DPH6: variants seen among roughly 807,000 people sequenced by gnomAD.
DPH6 encodes diphthamine biosynthesis 6.
DPH6 carries 33 observed loss-of-function variants against 38.2 expected under a neutral mutation model. That is an observed-to-expected ratio of 0.86 (90% confidence interval 0.65 to 1.15). DPH6 has a LOEUF of 1.15. Among genes scored for constraint, DPH6 ranks in the 50% most tolerant of loss-of-function variants. The probability of loss-of-function intolerance (pLI) is 0.00; values close to 1 mark genes in which losing one functional copy is unlikely to be tolerated. For missense variants in DPH6, 325 were observed against 320.0 expected, an observed-to-expected ratio of 1.02 and a Z score of -0.12; for synonymous variants, 108 against 103.0, an observed-to-expected ratio of 1.05 and a Z score of -0.30.
chr15:35,280,795 G>T (rs919306107), intron 3 of DPH6, among the ~76,000 whole-genome samples: 6 of 152,020 alleles, frequency 3.9e-5, no homozygotes, highest in African/African-American at 1.4e-4. Context: ...TTTATTCCTA[G>T]TTCTCATAAC....
intron 4 of DPH6, among the ~76,000 whole-genome samples, chr15:35,453,114 T>C (rs1286105211): frequency 6.6e-6 from 1 of 152,202 alleles, no homozygotes; most frequent in East Asian, 1.9e-4. Context: ...ATTGAGTTTG[T>C]GGACCAATGG....
chr15:35,145,510 G>A, the DPH6 span, among the ~76,000 whole-genome samples: 1 of 152,222 alleles, frequency 6.6e-6, no homozygotes, highest in Non-Finnish European at 1.5e-5. Context: ...TAGGGAGCTA[G>A]CTCCAGCTGC....
At chr15:35,403,225 C>T (rs1004712315) in intron 6 of DPH6, among the ~76,000 whole-genome samples, 16 of 152,014 alleles carry the variant, frequency 1.1e-4, no homozygotes, top group Non-Finnish European at 1.9e-4. Flanking sequence ...ATGGTTTTTA[C>T]TTGCTTTCTT....
At chr15:35,227,646 T>G (rs2051491728) in intron 3 of DPH6, among the ~76,000 whole-genome samples, 1 of 151,540 alleles carries the variant, frequency 6.6e-6, no homozygotes, top group African/African-American at 2.4e-5. Flanking sequence ...CTGTTCTGAT[T>G]TTTTTTTTCT....
In DPH6 at chr15:35,371,376, T is replaced by C. The variant is rs754904280; in HGVS notation, c.*774A>G. ...ACTTTGGGTGATAATAATGTGTCAATGTAGGTTCATCAGTTGTAACAAATG... is the reference window on the plus strand; with the variant it reads ...ACTTTGGGTGATAATAATGTGTCAACGTAGGTTCATCAGTTGTAACAAATG... On this transcript the variant is annotated 3_prime_UTR_variant, in exon 9 of 9. Coordinates refer to ENST00000256538, the MANE Select transcript of DPH6 (RefSeq NM_080650.4). The C allele has an allele frequency of 5.8e-5, 10 of 172,480 alleles. No homozygotes were observed. The highest frequency in any genetic ancestry group is 3.8e-4 in the South Asian group (2 of 5,202). The allele number at this position is 172,480 out of a possible 1,614,324, so 10.7% of individuals were successfully genotyped here.
At chr15:35,233,537 T>A (rs1475018347) in intron 3 of DPH6, among the ~76,000 whole-genome samples, 1 of 152,194 alleles carries the variant, frequency 6.6e-6, no homozygotes, top group Non-Finnish European at 1.5e-5. Context: ...AAAGGAATCA[T>A]TAAGACTTTC....
chr15:35,408,060 G>A (rs746111183), intron 6 of DPH6, among the ~76,000 whole-genome samples: 4 of 152,022 alleles, frequency 2.6e-5, no homozygotes, highest in Non-Finnish European at 5.9e-5. Flanking sequence ...TTCCAGACAA[G>A]AGGTGATTAT....
chr15:35,285,872 G>GTTTTTTTTTGTTTTTTTT lies in DPH6; in HGVS notation n.201-65291_201-65290insAAAAAAAACAAAAAAAAA, dbSNP rs2051938608. On this transcript the variant is annotated intron_variant and non_coding_transcript_variant, in intron 3 of 3. Transcript: ENST00000560386. Reference sequence around the variant, plus strand: ...GACTCAATTATCATTTTATCTTTGAGTTTTTTTTTTTTTTTTTACCTGAGA... The same window carrying GTTTTTTTTTGTTTTTTTT: ...GACTCAATTATCATTTTATCTTTGAGTTTTTTTTTGTTTTTTTTTTTTTTTTTTTTTTTTTACCTGAGA... Among the ~76,000 whole-genome samples, 16 of 52,810 alleles carry GTTTTTTTTTGTTTTTTTT rather than the reference G, an allele frequency of 3.0e-4. 3 individuals carry two copies. The highest frequency in any genetic ancestry group is 1.2e-3 in the African/African-American group (16 of 13,416). 34.6% of individuals were successfully genotyped at this position (52,810 alleles called of 152,430 possible). A position where few individuals can be genotyped will look rare whatever the true frequency, so the allele number is the denominator to read the frequency against.
chr15:35,233,820 G>A (rs552859107), intron 3 of DPH6, among the ~76,000 whole-genome samples: 1 of 152,162 alleles, frequency 6.6e-6, no homozygotes, highest in African/African-American at 2.4e-5. Flanking sequence ...TCTTGCAGTC[G>A]TACTTAATAT....
intron 3 of DPH6, among the ~76,000 whole-genome samples, chr15:35,268,352 T>C (rs1177958729): frequency 6.6e-6 from 1 of 151,936 alleles, no homozygotes; most frequent in South Asian, 2.1e-4. Context: ...GTAGTGCAGA[T>C]ATAATGTGGT....
At position 35,454,776 on chromosome 15, in the gene DPH6, A is replaced by T; in HGVS notation, c.357T>A (p.Ser119=). ...TTTCCACTCGAATACGCTGATAGTC[A>T]GAAAGTATAGCACCTACTGATATCC... is the stretch of plus-strand genomic sequence containing the variant. The part of the protein sequence containing the change: ...VEGISVGAIL[S]DYQRIRVENV... Residue 119 remains serine, a synonymous_variant, in exon 4 of 9, where the codon TCT becomes TCA. Transcript: ENST00000256538. 6.2e-7 allele frequency: 1 copy of T among 1,609,332 alleles called. No homozygotes were observed. Among genetic ancestry groups the T allele is most frequent in the Non-Finnish European group, 8.5e-7 (1 of 1,178,202 alleles).
At chr15:35,471,561 C>G (rs568129493) in intron 3 of DPH6, among the ~76,000 whole-genome samples, 1 of 152,294 alleles carries the variant, frequency 6.6e-6, no homozygotes, top group Admixed American at 6.5e-5. Context: ...TTTATTAAAT[C>G]CTTTTCATTA....
chr15:35,146,033 T>C, the DPH6 span, among the ~76,000 whole-genome samples: 1 of 152,004 alleles, frequency 6.6e-6, no homozygotes, highest in East Asian at 1.9e-4. Context: ...CAAAATGGTA[T>C]ATAAAGGTTA....
rs562074824 is a variant in DPH6 at position 35,515,962 on chromosome 15, A to G, written c.312+22312T>C. On this transcript the variant is annotated intron_variant, in intron 3 of 8. Transcript: ENST00000256538. ...TTGTGCCCACAAAACTTTCCTAGTT[A>G]AGAAGTTTTTAATAGGTGGTCACTC... is the stretch of plus-strand genomic sequence containing the variant. Among the ~76,000 whole-genome samples the G allele has an allele frequency of 4.6e-5, 7 of 152,280 alleles. No homozygotes were observed. In the South Asian group the frequency reaches 1.4e-3, roughly 32 times the overall value.
intron 3 of DPH6, among the ~76,000 whole-genome samples, chr15:35,518,298 A>T (rs2054874856): frequency 6.6e-6 from 1 of 151,986 alleles, no homozygotes; most frequent in Admixed American, 6.6e-5. Flanking sequence ...CTCCATTTCA[A>T]CCAAAAAAGC....
rs1366959423 is a variant in DPH6, at chr15:35,371,947, A to AATTCC, written c.*202_*203insGGAAT. ...CGAAAGAGAAAGAGTGAATTCCAAG[A>AATTCC]AAGTTGGCACTATTAATGAACATGC... On this transcript the variant is annotated 3_prime_UTR_variant, in exon 9 of 9. Transcript: ENST00000256538. 16 of 1,258,724 alleles carry AATTCC rather than the reference A, an allele frequency of 1.3e-5. No individual in the cohort carries two copies. The highest frequency in any genetic ancestry group is 1.6e-5 in the African/African-American group (1 of 63,524). The allele number at this position is 1,258,724 out of a possible 1,614,324, so 78.0% of individuals were successfully genotyped here. A position where few individuals can be genotyped will look rare whatever the true frequency, so the allele number is the denominator to read the frequency against.
intron 3 of DPH6, among the ~76,000 whole-genome samples, chr15:35,249,381 C>T (rs935577913): frequency 6.6e-6 from 1 of 152,134 alleles, no homozygotes; most frequent in African/African-American, 2.4e-5. Context: ...GTTTGGGATG[C>T]AGAGAATATG....
chr15:35,325,308 T>C, intron 3 of DPH6, among the ~76,000 whole-genome samples: 1 of 152,208 alleles, frequency 6.6e-6, no homozygotes, highest in Admixed American at 6.5e-5. Flanking sequence ...GAACTTATTC[T>C]ATTAAATATC....
chr15:35,153,244 A>G, the DPH6 span, among the ~76,000 whole-genome samples: 1 of 152,230 alleles, frequency 6.6e-6, no homozygotes, highest in South Asian at 2.1e-4. Flanking sequence ...AAAAGTATTT[A>G]CTATCTGGCA....
Sources: gnomAD v4.1 joint callset for allele counts (sites outside exome capture counted in the v4.1 genomes callset) on GRCh38, gnomAD v4.1.1 for gene constraint, MANE v1.5 for transcripts, NCBI Gene and HGNC (gene_info 2026-07-23, HGNC 2026-07-21) for gene names.